SNED1: variants seen among roughly 807,000 people sequenced by gnomAD.
The protein encoded by SNED1 is sushi, nidogen and EGF-like domain-containing protein 1.
Under a neutral mutation model 166.7 loss-of-function variants are expected in SNED1, and 81 were observed. The observed-to-expected ratio is 0.49, with a 90% CI of 0.41 to 0.58. The LOEUF is 0.58. Among genes scored for constraint, SNED1 ranks in the 20% least tolerant of loss-of-function variants. SNED1 has a pLI of 0.00. For missense variants in SNED1, 1,604 were observed against 2,000.2 expected (o/e 0.80, Z 3.78); for synonymous variants, 762 against 822.0 (o/e 0.93, Z 1.25).
chr2:241,086,403 A>G (rs1019361118), intron 29 of SNED1, among the ~76,000 whole-genome samples: 4 of 151,922 alleles, frequency 2.6e-5, no homozygotes, highest in Admixed American at 6.6e-5. Flanking sequence ...TGTCTCCCCA[A>G]CTTCAATCTC....
In SNED1 at chr2:241,075,943, C is replaced by CT. The variant is rs1182754603; in HGVS notation, c.3916+2584dup. Reference sequence around the variant, plus strand: ...TTCATCTCTTCATGCTAAAAAGTCCCTTTTTCCCCCACTGTCAGTATCAAA... The same window carrying CT: ...TTCATCTCTTCATGCTAAAAAGTCCCTTTTTTCCCCCACTGTCAGTATCAAA... On this transcript the variant is annotated intron_variant, in intron 27 of 31. Coordinates refer to ENST00000310397, the MANE Select transcript of SNED1 (RefSeq NM_001080437.3). This position sits in a 1 kb window ranked among gnomAD's most constrained non-coding sequence, Gnocchi z 4.8. 6.6e-6 allele frequency among the ~76,000 whole-genome samples: 1 copy of CT among 152,074 alleles called. No individual in the cohort carries two copies. Among genetic ancestry groups the CT allele is most frequent in the Admixed American group, 6.5e-5 (1 of 15,270 alleles).
chr2:241,032,320 G>A (rs1041064169), intron 2 of SNED1, among the ~76,000 whole-genome samples: 16 of 151,868 alleles, frequency 1.1e-4, no homozygotes, highest in Admixed American at 3.9e-4. Flanking sequence ...ACTGCACTCC[G>A]GCCTGGGTGA....
At chr2:240,998,212 T>C (rs2059970759), upstream of SNED1, among the ~76,000 whole-genome samples, 1 of 152,232 alleles carries the variant, frequency 6.6e-6, no homozygotes, top group Admixed American at 6.5e-5. Context: ...CCCCTGTGGC[T>C]GGAAGCCTGG....
At chr2:241,014,808 A>G (rs1388389021) in intron 1 of SNED1, among the ~76,000 whole-genome samples, 2 of 152,096 alleles carry the variant, frequency 1.3e-5, no homozygotes, top group South Asian at 2.1e-4. Flanking sequence ...CTTCACACGC[A>G]GGTCTCTAAT....
chr2:241,031,339 A>G (rs2124986959), intron 2 of SNED1, among the ~76,000 whole-genome samples: 1 of 152,042 alleles, frequency 6.6e-6, no homozygotes, highest in Non-Finnish European at 1.5e-5. Context: ...TTATTTTTGT[A>G]TTTTCAGTAG....
chr2:241,023,274 A>G (rs369479152), intron 1 of SNED1, among the ~76,000 whole-genome samples: 7 of 152,252 alleles, frequency 4.6e-5, no homozygotes, highest in African/African-American at 1.7e-4. Flanking sequence ...TTTTTGCTAA[A>G]TAGCATTTTT....
rs944127361 is a variant in SNED1, at chr2:241,089,267, T to C, written c.*1+865T>C. On this transcript the variant is annotated intron_variant, in intron 31 of 31. Coordinates refer to ENST00000310397, the MANE Select transcript of SNED1 (RefSeq NM_001080437.3). ...GGACAGCTTTGCTCTTCCTGCCCCT[T>C]ATAGGAGCCCTCACAGTTCATCTTC... The C allele has an allele frequency of 1.9e-6, 3 of 1,543,506 alleles. No homozygotes were observed. In the East Asian group the frequency reaches 7.3e-5, roughly 38 times the overall value.
chr2:241,003,721 C>A (rs1316561166), intron 1 of SNED1, among the ~76,000 whole-genome samples: 2 of 152,246 alleles, frequency 1.3e-5, no homozygotes, highest in African/African-American at 4.8e-5. Context: ...TCTGTCTGCA[C>A]TGCCCCACCT....
At chr2:241,023,782 GATA>G (rs1244144105) in intron 1 of SNED1, among the ~76,000 whole-genome samples, 1 of 150,740 alleles carries the variant, frequency 6.6e-6, no homozygotes, top group Non-Finnish European at 1.5e-5. Flanking sequence ...TTTTTAATCT[GATA>G]ATAATGTGAT....
chr2:241,008,904 G>T (rs569744497), intron 1 of SNED1, among the ~76,000 whole-genome samples: 2 of 152,360 alleles, frequency 1.3e-5, no homozygotes, highest in Admixed American at 1.3e-4. Flanking sequence ...CCAGGAGCTT[G>T]TCAAGGGTCA....
At position 241,082,307 on chromosome 2, in the gene SNED1, G is replaced by A; in HGVS notation, c.4064G>A (p.Arg1355Lys). The change falls in exon 29 of 32, where the codon AGG (arginine) becomes AAG (lysine). Residue 1355 changes from arginine to lysine, a missense_variant. By Grantham distance (26) the Arg-to-Lys change is conservative (BLOSUM62 2). This residue lies in a region of SNED1 where 367 missense variants were observed against 379.4 expected (regional missense o/e 0.97). Transcript: ENST00000310397. ...ATAAAGGTGTCCCGCCCCTGCACAAGGCTGTTCTCCGAGACAAAGGCCTTT... is the reference window on the plus strand; with the variant it reads ...ATAAAGGTGTCCCGCCCCTGCACAAAGCTGTTCTCCGAGACAAAGGCCTTT... ...ACIKVSRPCT[R>K]LFSETKAFPV... 6.2e-7 allele frequency: 1 copy of A among 1,613,640 alleles called. No homozygotes were observed. Among genetic ancestry groups the A allele is most frequent in the South Asian group, 1.1e-5 (1 of 91,070 alleles).
rs114704230 is a variant in SNED1 at position 241,085,165 on chromosome 2, G to A, written c.4122-2227G>A. On this transcript the variant is annotated intron_variant, in intron 29 of 31. Coordinates refer to ENST00000310397, the MANE Select transcript of SNED1 (RefSeq NM_001080437.3). ...CTGGGTTTTAATTTTGTCAAACTTCGTAAAATTTTTGCCATTATTTCTTCA... is the reference window on the plus strand; with the variant it reads ...CTGGGTTTTAATTTTGTCAAACTTCATAAAATTTTTGCCATTATTTCTTCA... 9.7e-3 allele frequency among the ~76,000 whole-genome samples: 1,471 copies of A among 152,004 alleles called. 20 individuals carry two copies. The highest frequency in any genetic ancestry group is 0.033 in the African/African-American group (1,359 of 41,434).
At chr2:241,056,851 G>C (rs904830112) in intron 16 of SNED1, among the ~76,000 whole-genome samples, 7 of 152,044 alleles carry the variant, frequency 4.6e-5, no homozygotes, top group Non-Finnish European at 8.8e-5. Flanking sequence ...ACAGTGCTGG[G>C]ATTACAGGCA....
intron 29 of SNED1, among the ~76,000 whole-genome samples, chr2:241,083,804 G>A (rs1276087287): frequency 6.6e-6 from 1 of 152,076 alleles, no homozygotes; most frequent in Non-Finnish European, 1.5e-5. Context: ...GGGTCTTGCT[G>A]GATATCTAGT....
At chr2:241,036,008 GA>G (rs2061348099) in intron 4 of SNED1, among the ~76,000 whole-genome samples, 1 of 105,384 alleles carries the variant, frequency 9.5e-6, no homozygotes, top group Non-Finnish European at 2.0e-5. Flanking sequence ...ACGGGGAGGG[GA>G]GTGGGGGGTG....
intron 16 of SNED1, among the ~76,000 whole-genome samples, chr2:241,057,247 T>C (rs9753471): frequency 0.62 from 93,498 of 151,040 alleles, 30,198 homozygotes; most frequent in African/African-American, 0.81. Flanking sequence ...GGCATGGTGG[T>C]GGGCACCTGT....
In SNED1 at chr2:241,051,796, G is replaced by T; in HGVS notation, c.1788G>T (p.Lys596Asn). ...SGPCRNGGTC[K>N]EAGGEYHCSC... ...CCTGCCGGAACGGGGGCACGTGCAAGGAGGCGGGCGGCGAGTACCACTGCA... is the reference window on the plus strand; with the variant it reads ...CCTGCCGGAACGGGGGCACGTGCAATGAGGCGGGCGGCGAGTACCACTGCA... Residue 596 changes from lysine (K) to asparagine (N), a missense_variant, in exon 13 of 32, where the codon AAG becomes AAT. Physicochemically the swap from Lys to Asn is moderately conservative, Grantham distance 94. Transcript: ENST00000310397. The surrounding 1 kb of genome is among the most constrained non-coding windows in gnomAD (Gnocchi z 4.7). 1 of 1,560,232 alleles carries T rather than the reference G, an allele frequency of 6.4e-7. No homozygotes were observed. Among genetic ancestry groups the T allele is most frequent in the Non-Finnish European group, 8.7e-7 (1 of 1,152,804 alleles).
rs547843506 is a variant in SNED1, at chr2:241,065,041, C to T, written c.2713+84C>T. The T allele has an allele frequency of 2.5e-5, 27 of 1,083,442 alleles. No homozygotes were observed. The Admixed American group carries it at 2.8e-4, about 11-fold the overall frequency. 67.1% of individuals were successfully genotyped at this position (1,083,442 alleles called of 1,614,324 possible). A position where few individuals can be genotyped will look rare whatever the true frequency, so the allele number is the denominator to read the frequency against. ...GGCCCAACGGTCTCCAAGGGCAGAG[C>T]GTCTGGCCGCTGCTTGCCCAGGCCC... On this transcript the variant is annotated intron_variant, in intron 20 of 31. Coordinates refer to ENST00000310397, the MANE Select transcript of SNED1 (RefSeq NM_001080437.3).
chr2:241,041,278 A>C (rs979549044), intron 8 of SNED1: 2 of 161,530 alleles, frequency 1.2e-5, no homozygotes, highest in African/African-American at 4.8e-5. Flanking sequence ...TTGTTATCTA[A>C]ATATCAATGT....
Sources: gnomAD v4.1 joint callset for allele counts (sites outside exome capture counted in the v4.1 genomes callset) on GRCh38, gnomAD v4.1.1 for gene constraint, gnomAD v4.1.1 regional missense constraint, Gnocchi (gnomAD v3.1) non-coding constraint, MANE v1.5 for transcripts, NCBI Gene and HGNC (gene_info 2026-07-23, HGNC 2026-07-21) for gene names.